Variants in CHAF1A observed in about 807,000 individuals in gnomAD.
CHAF1A encodes the protein CAF-1 subunit A.
Under a neutral mutation model 93.2 loss-of-function variants are expected in CHAF1A, and 5 were observed. The observed-to-expected ratio is 0.05, with a 90% CI of 0.03 to 0.11. The LOEUF is 0.11. CHAF1A is among the 10% of genes least tolerant of loss of function. The probability of loss-of-function intolerance (pLI) is 1.00; values close to 1 mark genes in which losing one functional copy is unlikely to be tolerated. For missense variants in CHAF1A, 1,102 were observed against 1,259.9 expected (o/e 0.87, Z 1.90); for synonymous variants, 504 against 510.3 (o/e 0.99, Z 0.17).
chr19:4,413,849 C>T (rs1973851698), intron 3 of CHAF1A, among the ~76,000 whole-genome samples: 1 of 152,182 alleles, frequency 6.6e-6, no homozygotes, highest in Admixed American at 6.5e-5. Flanking sequence ...CCTTTAGATA[C>T]TCCCAGGGTC....
At chr19:4,443,543 C>T (rs187475098), downstream of CHAF1A, among the ~76,000 whole-genome samples, 36 of 152,324 alleles carry the variant, frequency 2.4e-4, no homozygotes, top group Admixed American at 2.1e-3. Context: ...CTAAGTCACC[C>T]TCATACCAGG....
chr19:4,410,750 C>G (rs765701353), intron 3 of CHAF1A, among the ~76,000 whole-genome samples: 1 of 152,314 alleles, frequency 6.6e-6, no homozygotes, highest in Middle Eastern at 3.4e-3. Context: ...ACCTGGGAAA[C>G]TGAGGCAGGA....
chr19:4,432,044 C>T lies in CHAF1A; in HGVS notation c.2040C>T (p.Val680=). 1.9e-6 allele frequency: 3 copies of T among 1,614,128 alleles called. No individual in the cohort carries two copies. The highest frequency in any genetic ancestry group is 1.7e-6 in the Non-Finnish European group (2 of 1,180,020). ...TGGCTAAGGGGAAGCGCTTTCGCGT[C>T]CTGCAACCTGTGAAGATCGGCTGCG... is the stretch of plus-strand genomic sequence containing the variant. The part of the protein sequence containing the change: ...EFLAKGKRFR[V]LQPVKIGCVW... Residue 680 remains valine (V), a synonymous_variant, in exon 12 of 15, where the codon GTC becomes GTT. Coordinates refer to ENST00000301280, the MANE Select transcript of CHAF1A (RefSeq NM_005483.3).
chr19:4,428,166 G>A (rs1325612648), intron 7 of CHAF1A, among the ~76,000 whole-genome samples: 1 of 119,770 alleles, frequency 8.3e-6, no homozygotes, highest in Non-Finnish European at 1.7e-5. Flanking sequence ...CCTAATTTTT[G>A]TTTTTAGTAG....
At chr19:4,425,537 G>A (rs1404029203) in intron 7 of CHAF1A, among the ~76,000 whole-genome samples, 1 of 152,114 alleles carries the variant, frequency 6.6e-6, no homozygotes, top group Admixed American at 6.6e-5. Flanking sequence ...AGTAGAGACT[G>A]GGTCTCACTG....
chr19:4,407,951 A>G (rs1180302872), intron 2 of CHAF1A, among the ~76,000 whole-genome samples: 1 of 151,316 alleles, frequency 6.6e-6, no homozygotes, highest in African/African-American at 2.4e-5. Context: ...TCTCCAAAAG[A>G]AAAAAAAATA....
intron 13 of CHAF1A, among the ~76,000 whole-genome samples, chr19:4,440,886 G>C (rs190385895): frequency 6.6e-6 from 1 of 151,448 alleles, no homozygotes; most frequent in Admixed American, 6.6e-5. Flanking sequence ...TTGGGAGGCT[G>C]ACGTGGGCGA....
At chr19:4,446,020 C>A, downstream of CHAF1A, 1 of 1,591,162 alleles carries the variant, frequency 6.3e-7, no homozygotes, top group South Asian at 1.1e-5. Flanking sequence ...GGCATCGGGT[C>A]AGCGGTGCTC....
chr19:4,404,426 C>T (rs1051910200), intron 1 of CHAF1A, among the ~76,000 whole-genome samples: 2 of 152,038 alleles, frequency 1.3e-5, no homozygotes, highest in Non-Finnish European at 2.9e-5. Flanking sequence ...GTGATTGTCT[C>T]GAAAATAAAG....
chr19:4,420,898 C>T (rs969828422), intron 4 of CHAF1A, among the ~76,000 whole-genome samples: 3 of 152,212 alleles, frequency 2.0e-5, no homozygotes, highest in African/African-American at 2.4e-5. Context: ...CATAGTGAGA[C>T]TCCATCTCTA....
chr19:4,430,439 A>C (rs1974160427), intron 10 of CHAF1A, 110 bp from the exon 11 acceptor site: 1 of 692,476 alleles, frequency 1.4e-6, no homozygotes, highest in Non-Finnish European at 2.6e-6. Flanking sequence ...CAGCCTCCCA[A>C]AGTGCTGGGA....
intron 4 of CHAF1A, among the ~76,000 whole-genome samples, chr19:4,418,329 A>C (rs1973930297): frequency 6.6e-6 from 1 of 150,794 alleles, no homozygotes; most frequent in Non-Finnish European, 1.5e-5. Flanking sequence ...TAGTGCTACC[A>C]CTGTCTTAAT....
At chr19:4,438,737 A>T (rs1324692448) in intron 13 of CHAF1A, among the ~76,000 whole-genome samples, 2 of 152,000 alleles carry the variant, frequency 1.3e-5, no homozygotes, top group Non-Finnish European at 2.9e-5. Context: ...TAATCCCAGC[A>T]CTTTGGGAGG....
At chr19:4,420,588 C>T (rs1973974366) in intron 4 of CHAF1A, among the ~76,000 whole-genome samples, 1 of 152,124 alleles carries the variant, frequency 6.6e-6, no homozygotes, top group Non-Finnish European at 1.5e-5. Flanking sequence ...CTGAGTGTCC[C>T]AGGCCACTGC....
At chr19:4,407,144 G>A (rs243343) in intron 2 of CHAF1A, among the ~76,000 whole-genome samples, 78,446 of 151,512 alleles carry the variant, frequency 0.52, 20,739 homozygotes, top group Admixed American at 0.7. Flanking sequence ...GTTTGAACCC[G>A]GAAGGAAGAG....
chr19:4,430,151 C>G, intron 10 of CHAF1A: 1 of 343,754 alleles, frequency 2.9e-6, no homozygotes, highest in Non-Finnish European at 5.4e-6. Flanking sequence ...TGTCGGGAGG[C>G]CATGCAAAGC....
intron 13 of CHAF1A, among the ~76,000 whole-genome samples, chr19:4,440,831 C>T (rs1206398307): frequency 6.6e-6 from 1 of 151,304 alleles, no homozygotes; most frequent in Non-Finnish European, 1.5e-5. Context: ...AGAAAAGGCA[C>T]AGCAGAGGCC....
At chr19:4,419,127 G>A (rs1973947511) in intron 4 of CHAF1A, among the ~76,000 whole-genome samples, 1 of 139,762 alleles carries the variant, frequency 7.2e-6, no homozygotes, top group South Asian at 2.3e-4. Context: ...CAATCCTCCC[G>A]TCTCAGCCTC....
At chr19:4,430,789 G>C in intron 11 of CHAF1A, 148 bp downstream of exon 11, 1 of 758,004 alleles carries the variant, frequency 1.3e-6, no homozygotes, top group Non-Finnish European at 2.2e-6. Context: ...TCACTCGTGG[G>C]AACAGCTGGG....
Sources: allele counts gnomAD v4.1 joint callset (sites outside exome capture counted in the v4.1 genomes callset), GRCh38; gene constraint gnomAD v4.1.1; transcripts MANE v1.5; gene names NCBI Gene and HGNC (gene_info 2026-07-23, HGNC 2026-07-21).